Variants in WWOX observed in about 807,000 individuals in gnomAD.
WWOX encodes WW domain containing oxidoreductase.
A neutral mutation model predicts 46.2 loss-of-function variants in WWOX; 69 were observed. The ratio of observed to expected loss-of-function variants is 1.49; its 90% CI spans 1.23 to 1.82. The LOEUF is 1.82. WWOX is among the 40% of genes most tolerant of loss of function. The pLI is 0.00. For missense variants in WWOX, 919 were observed against 542.6 expected, an observed-to-expected ratio of 1.69 and a Z score of -6.89; for synonymous variants, 359 against 202.6, an observed-to-expected ratio of 1.77 and a Z score of -6.56.
At chr16:79,030,309 A>C (rs1246909287) in intron 8 of WWOX, among the ~76,000 whole-genome samples, 3 of 152,226 alleles carry the variant, frequency 2.0e-5, no homozygotes, top group African/African-American at 7.2e-5. Context: ...TCTCTCCTCC[A>C]GTGCGTACGC....
In WWOX at chr16:78,544,648, G is replaced by C. The variant is rs181084255; in HGVS notation, c.1056+111896G>C. ...CACCTCTAATTCCAGCACTTTGAGAGGATAACTTGAGTCCGGGAGTTTGAG... is the reference window on the plus strand; with the variant it reads ...CACCTCTAATTCCAGCACTTTGAGACGATAACTTGAGTCCGGGAGTTTGAG... On this transcript the variant is annotated intron_variant, in intron 8 of 8. Transcript: ENST00000566780. Among the ~76,000 whole-genome samples, 764 of 152,298 alleles carry C rather than the reference G, an allele frequency of 5.0e-3. 8 individuals are homozygous for C. The highest frequency in any genetic ancestry group is 0.017 in the African/African-American group (720 of 41,556).
At chr16:78,808,465 T>C (rs923462282) in intron 8 of WWOX, among the ~76,000 whole-genome samples, 1 of 152,240 alleles carries the variant, frequency 6.6e-6, no homozygotes, top group Non-Finnish European at 1.5e-5. Context: ...ATTGAATCCA[T>C]ACTAACCTGA....
chr16:78,543,685 C>T (rs2667646), intron 8 of WWOX, among the ~76,000 whole-genome samples: 75,494 of 152,034 alleles, frequency 0.5, 21,839 homozygotes, highest in East Asian at 0.66. Context: ...GACTATAAGA[C>T]CCAAGACCTT....
At chr16:79,109,455 A>G (rs1043521728) in intron 8 of WWOX, among the ~76,000 whole-genome samples, 1 of 152,126 alleles carries the variant, frequency 6.6e-6, no homozygotes, top group African/African-American at 2.4e-5. Flanking sequence ...TAGGGAAGAG[A>G]GAGCCGGGCA....
chr16:78,938,742 T>C (rs187606557), intron 8 of WWOX, among the ~76,000 whole-genome samples: 167 of 152,044 alleles, frequency 1.1e-3, no homozygotes, highest in Non-Finnish European at 2.1e-3. Context: ...AATGAATGAG[T>C]GAGCAAGATA....
chr16:78,616,396 T>C (rs1266029265), intron 8 of WWOX, among the ~76,000 whole-genome samples: 2 of 152,110 alleles, frequency 1.3e-5, no homozygotes, highest in Non-Finnish European at 2.9e-5. Context: ...TGAGGATTTG[T>C]TTTTGATCTC....
Position 79,096,019 on chromosome 16 carries a change from T to TTTTG in WWOX, c.1057-115586_1057-115585insGTTT, listed in dbSNP as rs755512767. On this transcript the variant is annotated intron_variant, in intron 8 of 8. Transcript: ENST00000566780. ...CATGCGCTGCCACACCCGGATAATT[T>TTTTG]TTTTTTTTTTTTTTTTTTTGGTATT... 1.8e-4 allele frequency among the ~76,000 whole-genome samples: 22 copies of TTTTG among 122,192 alleles called. 1 individual carries two copies. Among genetic ancestry groups the TTTTG allele is most frequent in the Non-Finnish European group, 3.2e-4 (17 of 53,446 alleles). 80.2% of individuals were successfully genotyped at this position (122,192 alleles called of 152,430 possible).
At chr16:78,954,324 A>G (rs1454390999) in intron 8 of WWOX, among the ~76,000 whole-genome samples, 1 of 151,912 alleles carries the variant, frequency 6.6e-6, no homozygotes, top group African/African-American at 2.4e-5. Context: ...AGGTGGATGG[A>G]TGGAGGGATG....
chr16:78,362,897 G>A (rs1597102266), intron 5 of WWOX, among the ~76,000 whole-genome samples: 2 of 152,304 alleles, frequency 1.3e-5, no homozygotes, highest in South Asian at 2.1e-4. Context: ...CGTAAAGGAG[G>A]TGGTGGTGTC....
At chr16:78,108,711 G>T (rs1416909141) in intron 2 of WWOX, among the ~76,000 whole-genome samples, 2 of 152,264 alleles carry the variant, frequency 1.3e-5, no homozygotes, top group Non-Finnish European at 2.9e-5. Flanking sequence ...AAAATGGCCA[G>T]ATGTGGTGGC....
chr16:78,495,932 T>G lies in WWOX; in HGVS notation c.1056+63180T>G, dbSNP rs190977139. ...AAGAATAAAAATTAATAAACACATT[T>G]ATAGTTCTCAGAGATTCCTTGAGAG... On this transcript the variant is annotated intron_variant, in intron 8 of 8. Transcript: ENST00000566780. 23 of 152,362 alleles carry G rather than the reference T, an allele frequency of 1.5e-4. No homozygotes were observed. The East Asian group carries it at 4.2e-3, about 28-fold the overall frequency. The allele number at this position is 152,362 out of a possible 1,614,324, so 9.4% of individuals were successfully genotyped here. A position where few individuals can be genotyped will look rare whatever the true frequency, so the allele number is the denominator to read the frequency against.
chr16:79,149,139 T>C (rs2050232709), intron 8 of WWOX, among the ~76,000 whole-genome samples: 1 of 152,334 alleles, frequency 6.6e-6, no homozygotes, highest in Non-Finnish European at 1.5e-5. Flanking sequence ...ATTTACCATT[T>C]CACCACTAAA....
intron 8 of WWOX, among the ~76,000 whole-genome samples, chr16:78,736,538 G>T (rs903848458): frequency 1.3e-5 from 2 of 152,004 alleles, no homozygotes; most frequent in African/African-American, 4.8e-5. Flanking sequence ...GAGTATCCAT[G>T]GCACACAATG....
chr16:78,597,238 T>C (rs1006610968), intron 8 of WWOX, among the ~76,000 whole-genome samples: 1 of 152,208 alleles, frequency 6.6e-6, no homozygotes, highest in East Asian at 1.9e-4. Context: ...AGGTGCTGTT[T>C]CCATTGCTTT....
At chr16:78,796,317 T>C (rs1226757734) in intron 8 of WWOX, among the ~76,000 whole-genome samples, 1 of 152,202 alleles carries the variant, frequency 6.6e-6, no homozygotes, top group Admixed American at 6.5e-5. Context: ...CTCCAAATCC[T>C]CTGCTGGATC....
intron 8 of WWOX, among the ~76,000 whole-genome samples, chr16:78,522,745 A>G (rs2941954): frequency 0.57 from 86,013 of 152,158 alleles, 28,004 homozygotes; most frequent in Non-Finnish European, 0.71. Context: ...ACTTGGGATG[A>G]TAAAGTCAAG....
Position 79,113,016 on chromosome 16 carries a change from C to T in WWOX, c.1057-98592C>T, listed in dbSNP as rs1254183070. Among the ~76,000 whole-genome samples, 4 of 152,154 alleles carry T rather than the reference C, an allele frequency of 2.6e-5. No homozygotes were observed. The South Asian group carries it at 8.3e-4, about 32-fold the overall frequency. On this transcript the variant is annotated intron_variant, in intron 8 of 8. Coordinates refer to ENST00000566780, the MANE Select transcript of WWOX (RefSeq NM_016373.4). ...TGATCTAGCAAGTTCTTGTTGAGTG[C>T]CAGCCCAGTGCCAGGTGCTGAAGAA... is the stretch of plus-strand genomic sequence containing the variant.
chr16:78,326,577 GC>G (rs60010994), intron 5 of WWOX, among the ~76,000 whole-genome samples: 9,628 of 32,738 alleles, frequency 0.29, 1,706 homozygotes, highest in East Asian at 0.67. Context: ...CCCTCCCCCC[GC>G]CCCCCCCCCC....
chr16:78,848,927 G>C (rs1382476772), intron 8 of WWOX, among the ~76,000 whole-genome samples: 2 of 151,814 alleles, frequency 1.3e-5, no homozygotes, highest in Non-Finnish European at 2.9e-5. Context: ...TTCTTTTTCT[G>C]CTGGTTGTGA....
Sources: allele counts gnomAD v4.1 joint callset (sites outside exome capture counted in the v4.1 genomes callset), GRCh38; gene constraint gnomAD v4.1.1; transcripts MANE v1.5; gene names NCBI Gene and HGNC (gene_info 2026-07-23, HGNC 2026-07-21).